LRRC47: variants seen among roughly 807,000 people sequenced by gnomAD.
LRRC47 encodes leucine-rich repeat-containing protein 47.
A neutral mutation model predicts 40.9 loss-of-function variants in LRRC47; 31 were observed. That is an observed-to-expected ratio of 0.76 (90% confidence interval 0.57 to 1.02). The LOEUF is 1.02. Among genes scored for constraint, LRRC47 ranks in the 50% least tolerant of loss-of-function variants. LRRC47 has a pLI of 0.00. For missense variants in LRRC47, 726 were observed against 796.1 expected, an observed-to-expected ratio of 0.91 and a Z score of 1.06; for synonymous variants, 427 against 371.9, an observed-to-expected ratio of 1.15 and a Z score of -1.70.
chr1:3,786,228 T>C (rs917813575), intron 2 of LRRC47, among the ~76,000 whole-genome samples: 2 of 152,170 alleles, frequency 1.3e-5, no homozygotes, highest in Non-Finnish European at 2.9e-5. Flanking sequence ...CCAGGTGTGG[T>C]GGCTGACACC....
In LRRC47 at chr1:3,784,046, G is replaced by A. The variant is rs369025107; in HGVS notation, c.1260C>T (p.Ala420=). The part of the protein sequence containing the change: ...KELVRQLQLE[A]EEQRKQKKRQ... ...GCTTCTTCTGCTTCCTCTGCTCCTCGGCCTCCAGCTGCAGCTGCCGCACCA... is the reference window on the plus strand; with the variant it reads ...GCTTCTTCTGCTTCCTCTGCTCCTCAGCCTCCAGCTGCAGCTGCCGCACCA... Residue 420 remains alanine (A), a synonymous_variant, in exon 4 of 7, where the codon GCC becomes GCT. Coordinates refer to ENST00000378251, the MANE Select transcript of LRRC47 (RefSeq NM_020710.3). 8.1e-5 allele frequency: 131 copies of A among 1,612,466 alleles called. No homozygotes were observed. Among genetic ancestry groups the A allele is most frequent in the Non-Finnish European group, 1.0e-4 (120 of 1,179,794 alleles).
Position 3,787,367 on chromosome 1 carries a change from G to A in LRRC47, c.616-57C>T, listed in dbSNP as rs137876540. ...CCGGACTCTGGGAAGAGAGTCCAAG[G>A]TCATGCTCGAGAGGCAGGGAGACCA... On this transcript the variant is annotated intron_variant, in intron 1 of 6. Coordinates refer to ENST00000378251, the MANE Select transcript of LRRC47 (RefSeq NM_020710.3). The A allele has an allele frequency of 4.9e-3, 7,367 of 1,505,750 alleles. 16 individuals are homozygous for A. The highest frequency in any genetic ancestry group is 5.9e-3 in the Non-Finnish European group (6,626 of 1,122,492). 93.3% of individuals were successfully genotyped at this position (1,505,750 alleles called of 1,614,324 possible). A position where few individuals can be genotyped will look rare whatever the true frequency, so the allele number is the denominator to read the frequency against.
intron 5 of LRRC47, among the ~76,000 whole-genome samples, chr1:3,782,442 G>A (rs1272669119): frequency 4.6e-5 from 7 of 152,134 alleles, no homozygotes; most frequent in Non-Finnish European, 1.0e-4. Context: ...TTACAGGCAT[G>A]CACCGCCACG....
intron 1 of LRRC47, among the ~76,000 whole-genome samples, chr1:3,795,053 C>CAACAAAA (rs1643660330): frequency 1.6e-5 from 1 of 61,620 alleles, no homozygotes; most frequent in African/African-American, 5.7e-5. Context: ...GACTACATCT[C>CAACAAAA]AAAAAAAAAA....
Position 3,787,184 on chromosome 1 carries a change from C to T in LRRC47, c.742G>A (p.Gly248Ser), listed in dbSNP as rs1254182021. 3 of 1,613,894 alleles carry T rather than the reference C, an allele frequency of 1.9e-6. No individual in the cohort carries two copies. The highest frequency in any genetic ancestry group is 2.5e-6 in the Non-Finnish European group (3 of 1,180,046). The part of the protein sequence containing the change: ...RDKRLEKMVS[G>S]CQTRSILEYL... ...TCCAGGATGGATCTGGTCTGGCAGC[C>T]GCTGACCATCTTCTCCAGGCGCTTG... is the stretch of plus-strand genomic sequence containing the variant. Residue 248 changes from glycine (G) to serine (S), a missense_variant, in exon 2 of 7, where the codon GGC (glycine) becomes AGC (serine). Coordinates refer to ENST00000378251, the MANE Select transcript of LRRC47 (RefSeq NM_020710.3).
intron 1 of LRRC47, among the ~76,000 whole-genome samples, chr1:3,792,500 A>C (rs1643635985): frequency 7.5e-6 from 1 of 132,930 alleles, no homozygotes; most frequent in African/African-American, 3.1e-5. Context: ...TCACTTTCTC[A>C]CCCAGGCTGG....
chr1:3,796,430 G>C lies in LRRC47; in HGVS notation c.47C>G (p.Ala16Gly). Residue 16 changes from alanine (A) to glycine (G), a missense_variant, in exon 1 of 7, where the codon GCT becomes GGT. By Grantham distance (60) the Ala-to-Gly change is moderately conservative (BLOSUM62 0). Transcript: ENST00000378251. ...VSESWPELEL[A>G]ERERRRELLL... is the part of the protein sequence containing the mutation. ...CAGCTCCCGCCGCCGCTCGCGCTCAGCCAGCTCCAGCTCCGGCCAAGACTC... is the reference window on the plus strand; with the variant it reads ...CAGCTCCCGCCGCCGCTCGCGCTCACCCAGCTCCAGCTCCGGCCAAGACTC... 6.6e-7 allele frequency: 1 copy of C among 1,520,870 alleles called. No individual in the cohort carries two copies. The highest frequency in any genetic ancestry group is 8.8e-7 in the Non-Finnish European group (1 of 1,142,200). 94.2% of individuals were successfully genotyped at this position (1,520,870 alleles called of 1,614,324 possible). A position where few individuals can be genotyped will look rare whatever the true frequency, so the allele number is the denominator to read the frequency against.
In LRRC47 at chr1:3,785,073, G is replaced by A. The variant is rs754385419; in HGVS notation, c.1194+14C>T. The A allele has an allele frequency of 2.5e-6, 4 of 1,574,890 alleles. No homozygotes were observed. The highest frequency in any genetic ancestry group is 2.6e-6 in the Non-Finnish European group (3 of 1,157,016). ...GAGACTCTTCAGCAGACCCTGCAAA[G>A]GAGGCTGCAGCACCTTGAGGTCCTG... is the stretch of plus-strand genomic sequence containing the variant. On this transcript the variant is annotated intron_variant, in intron 3 of 6. Transcript: ENST00000378251.
chr1:3,781,260 A>G lies in LRRC47; in HGVS notation c.1580T>C (p.Val527Ala). ...TGTGGGATCTGGAAGTTGTCCAGAG[A>G]CTGCATCGGCTTCAGTATCTGAGAG... ...GSLSDTEADA[V>A]SGQLPDPTTN... Residue 527 changes from valine (V) to alanine (A), a missense_variant, in exon 7 of 7, where the codon GTC becomes GCC. Val to Ala is a moderately conservative substitution (Grantham distance 64). Transcript: ENST00000378251. 1 of 1,614,150 alleles carries G rather than the reference A, an allele frequency of 6.2e-7. No individual in the cohort carries two copies. Among genetic ancestry groups the G allele is most frequent in the East Asian group, 2.2e-5 (1 of 44,876 alleles).
intron 1 of LRRC47, among the ~76,000 whole-genome samples, chr1:3,787,605 C>A (rs181003259): frequency 5.9e-5 from 9 of 152,322 alleles, no homozygotes; most frequent in Admixed American, 3.9e-4. Context: ...TTAACAACCA[C>A]AGCAGCCCTG....
At chr1:3,789,210 CCT>C (rs910167926) in intron 1 of LRRC47, among the ~76,000 whole-genome samples, 3 of 152,268 alleles carry the variant, frequency 2.0e-5, no homozygotes, top group African/African-American at 7.2e-5. Context: ...TCCTCACCTC[CCT>C]GTCAGAGCCC....
At chr1:3,783,516 G>A (rs939511594) in intron 4 of LRRC47, among the ~76,000 whole-genome samples, 1 of 151,922 alleles carries the variant, frequency 6.6e-6, no homozygotes, top group African/African-American at 2.4e-5. Flanking sequence ...TAATATCAAG[G>A]GCCCAAGCAT....
intron 3 of LRRC47, among the ~76,000 whole-genome samples, chr1:3,784,687 C>T (rs1411038909): frequency 1.3e-5 from 2 of 152,254 alleles, no homozygotes; most frequent in African/African-American, 2.4e-5. Flanking sequence ...AGAACAGCAT[C>T]GGATCCTACT....
At chr1:3,781,394 G>T in intron 6 of LRRC47, 58 bp from the exon 7 acceptor site, 1 of 1,582,654 alleles carries the variant, frequency 6.3e-7, no homozygotes, top group Non-Finnish European at 8.6e-7. Context: ...GGGAAGACAT[G>T]CTGCTGTCTG....
intron 1 of LRRC47, among the ~76,000 whole-genome samples, chr1:3,789,148 G>A (rs944266758): frequency 2.0e-5 from 3 of 152,224 alleles, no homozygotes; most frequent in South Asian, 2.1e-4. Context: ...CAATGCTGTC[G>A]CCAGCCTGCA....
chr1:3,795,792 C>T, intron 1 of LRRC47, 70 bp downstream of exon 1: 4 of 1,438,046 alleles, frequency 2.8e-6, no homozygotes, highest in Non-Finnish European at 3.6e-6. Context: ...CTGCTCGGCC[C>T]CGAGAGGGGT....
At chr1:3,782,188 G>C (rs771964801) in intron 5 of LRRC47, among the ~76,000 whole-genome samples, 13 of 152,064 alleles carry the variant, frequency 8.5e-5, no homozygotes, top group Admixed American at 5.2e-4. Context: ...GCAGATACTT[G>C]TGTGTGTTAA....
chr1:3,795,773 C>A, intron 1 of LRRC47, 89 bp downstream of exon 1: 1 of 1,394,658 alleles, frequency 7.2e-7, no homozygotes, highest in Non-Finnish European at 9.3e-7. Flanking sequence ...CAGGGGGCGT[C>A]ACTAGGAACT....
intron 1 of LRRC47, among the ~76,000 whole-genome samples, chr1:3,788,962 C>T (rs968665777): frequency 6.6e-6 from 1 of 152,120 alleles, no homozygotes; most frequent in East Asian, 1.9e-4. Flanking sequence ...ACGCGTCCAT[C>T]GGATCTAACA....
Sources: allele counts gnomAD v4.1 joint callset (sites outside exome capture counted in the v4.1 genomes callset), GRCh38; gene constraint gnomAD v4.1.1; transcripts MANE v1.5; gene names NCBI Gene and HGNC (gene_info 2026-07-23, HGNC 2026-07-21).